The following NLRP2 variants were observed in gnomAD, a reference collection of about 807,000 sequenced individuals.
NLRP2 encodes the protein NLR family pyrin domain containing 2.
NLRP2 carries 107 observed loss-of-function variants against 97.2 expected under a neutral mutation model. The ratio of observed to expected loss-of-function variants is 1.10; its 90% CI spans 0.94 to 1.29. NLRP2 has a LOEUF of 1.29. NLRP2 is among the 50% of genes most tolerant of loss of function. NLRP2 has a pLI of 0.00. For missense variants in NLRP2, 1,495 were observed against 1,330.3 expected, an observed-to-expected ratio of 1.12 and a Z score of -1.93; for synonymous variants, 663 against 551.5, an observed-to-expected ratio of 1.20 and a Z score of -2.83.
In NLRP2 at chr19:54,998,025, C is replaced by CTT. The variant is rs757893808; in HGVS notation, c.3050+554_3050+555dup. ...TGGGGTTTTGTTTTGTTTTTTCTTT[C>CTT]TTTTTTTTTTTTTTTTTCTGAGATG... On this transcript the variant is annotated intron_variant, in intron 12 of 12. Coordinates refer to ENST00000448584, the MANE Select transcript of NLRP2 (RefSeq NM_017852.5). Among the ~76,000 whole-genome samples the CTT allele has an allele frequency of 5.6e-3, 716 of 127,278 alleles. 16 individuals carry two copies. The highest frequency in any genetic ancestry group is 0.014 in the African/African-American group (477 of 34,482). The allele number at this position is 127,278 out of a possible 152,430, so 83.5% of individuals were successfully genotyped here.
At chr19:54,965,527 C>G (rs1345735255), upstream of NLRP2, 1 of 97,486 alleles carries the variant, frequency 1.0e-5, no homozygotes, top group Non-Finnish European at 2.2e-5. Context: ...GCGATCTCTG[C>G]TCACTGCAAG....
chr19:54,978,703 C>G (rs895211118), intron 4 of NLRP2, among the ~76,000 whole-genome samples: 1 of 150,892 alleles, frequency 6.6e-6, no homozygotes, highest in African/African-American at 2.4e-5. Flanking sequence ...AAAAATTAGC[C>G]GGGTGTGGTG....
At chr19:54,987,835 G>A (rs2072199193) in intron 8 of NLRP2, among the ~76,000 whole-genome samples, 1 of 151,916 alleles carries the variant, frequency 6.6e-6, no homozygotes, top group African/African-American at 2.4e-5. Flanking sequence ...AAGGTCAGGA[G>A]TTCAAGACCA....
At chr19:54,977,921 CT>C in intron 4 of NLRP2, 98 bp downstream of exon 4, 1 of 1,101,240 alleles carries the variant, frequency 9.1e-7, no homozygotes, top group East Asian at 2.4e-5. Flanking sequence ...TCTCTCCAAT[CT>C]TTTCCTCCAC....
chr19:55,000,946 G>A lies in NLRP2; in HGVS notation c.*48G>A, dbSNP rs751614272. ...CCATGAAGTCATCGATTTTCCAGGTGTTGGTGAACTGCCTGTGACTCCTCT... is the reference window on the plus strand; with the variant it reads ...CCATGAAGTCATCGATTTTCCAGGTATTGGTGAACTGCCTGTGACTCCTCT... On this transcript the variant is annotated 3_prime_UTR_variant, in exon 13 of 13. Transcript: ENST00000448584. 2 of 1,590,096 alleles carry A rather than the reference G, an allele frequency of 1.3e-6. No individual in the cohort carries two copies. The highest frequency in any genetic ancestry group is 1.7e-6 in the Non-Finnish European group (2 of 1,159,414).
In NLRP2 at chr19:54,983,558, G is replaced by A. The variant is rs191100361; in HGVS notation, c.1860G>A (p.Glu620=). 3.1e-6 allele frequency: 5 copies of A among 1,614,202 alleles called. No individual in the cohort carries two copies. The African/African-American group carries it at 6.7e-5, about 22-fold the overall frequency. Residue 620 remains glutamate, a synonymous_variant, in exon 6 of 13, where the codon GAG becomes GAA. Transcript: ENST00000448584. ...YESQEEELVK[E]VMAQFKEISL... ...CTCAGGAGGAGGAGCTGGTGAAGGA[G>A]GTGATGGCTCAGTTCAAAGAAATAT...
intron 4 of NLRP2, 62 bp downstream of exon 4, chr19:54,977,885 C>T (rs2071346686): frequency 3.5e-6 from 5 of 1,446,626 alleles, no homozygotes; most frequent in East Asian, 2.3e-5. Context: ...TTGCTGCTAT[C>T]TCCTGTTCCT....
At chr19:54,997,076 TTC>T (rs1479025336) in intron 11 of NLRP2, among the ~76,000 whole-genome samples, 2 of 152,122 alleles carry the variant, frequency 1.3e-5, no homozygotes, top group African/African-American at 4.8e-5. Context: ...CCCAGCTAAC[TTC>T]TGTATATTTA....
chr19:54,996,051 AAAC>A (rs1453529271), intron 11 of NLRP2, among the ~76,000 whole-genome samples: 206 of 126,416 alleles, frequency 1.6e-3, no homozygotes, highest in African/African-American at 5.2e-3. Flanking sequence ...AAAAAAAAAA[AAAC>A]AAAAAAAACA....
At chr19:54,979,692 C>T (rs934972514) in intron 4 of NLRP2, among the ~76,000 whole-genome samples, 4 of 152,048 alleles carry the variant, frequency 2.6e-5, no homozygotes, top group East Asian at 3.9e-4. Context: ...TGCTATGGCT[C>T]TGTATAATAG....
intron 1 of NLRP2, among the ~76,000 whole-genome samples, chr19:54,968,701 CT>C (rs61212213): frequency 0.35 from 39,741 of 114,570 alleles, 7,777 homozygotes; most frequent in South Asian, 0.61. Flanking sequence ...ATCTTTAAGC[CT>C]TTTTTTTTTT....
chr19:54,968,282 A>C (rs1165116990), intron 1 of NLRP2, among the ~76,000 whole-genome samples: 1 of 151,730 alleles, frequency 6.6e-6, no homozygotes, highest in Non-Finnish European at 1.5e-5. Flanking sequence ...TCTGGACTGG[A>C]GTGATCACCC....
rs965732839 is a variant in NLRP2, at chr19:55,001,060, C to T, written c.*162C>T. On this transcript the variant is annotated 3_prime_UTR_variant, in exon 13 of 13. Transcript: ENST00000448584. The stretch of plus-strand genomic sequence containing the variant: ...ATTCTGCCTCTGTTTTATACCTGCA[C>T]ACATCCTTATCTTTGTTACATATGA... The T allele has an allele frequency of 6.3e-6, 4 of 637,992 alleles. No individual in the cohort carries two copies. Among genetic ancestry groups the T allele is most frequent in the East Asian group, 5.4e-5 (2 of 37,052 alleles). 39.5% of individuals were successfully genotyped at this position (637,992 alleles called of 1,614,324 possible). A position where few individuals can be genotyped will look rare whatever the true frequency, so the allele number is the denominator to read the frequency against.
intron 11 of NLRP2, among the ~76,000 whole-genome samples, chr19:54,995,393 T>C (rs1042244455): frequency 4.0e-5 from 6 of 151,570 alleles, no homozygotes; most frequent in African/African-American, 1.2e-4. Flanking sequence ...GGTTTCTCCA[T>C]GTTGGTCAGG....
intron 2 of NLRP2, among the ~76,000 whole-genome samples, chr19:54,972,467 C>T (rs766918391): frequency 2.0e-5 from 3 of 151,892 alleles, no homozygotes; most frequent in Admixed American, 6.6e-5. Context: ...AGGTGTGAGC[C>T]GCCATGCCCA....
chr19:54,966,526 G>A (rs1438839815), intron 1 of NLRP2, 59 bp downstream of exon 1: 1 of 152,030 alleles, frequency 6.6e-6, no homozygotes, highest in African/African-American at 2.4e-5. Context: ...TTCCACAGTT[G>A]GTAAAATTTC....
chr19:54,974,418 G>A (rs703468), intron 2 of NLRP2, 82 bp from the exon 3 acceptor site: 218,964 of 975,416 alleles, frequency 0.22, 25,965 homozygotes, highest in East Asian at 0.4. Context: ...CCAGTTCTAA[G>A]TGTCATCTTT....
In NLRP2 at chr19:54,980,532, G is replaced by A. The variant is rs184312488; in HGVS notation, c.398-1085G>A. Among the ~76,000 whole-genome samples, 321 of 152,326 alleles carry A rather than the reference G, an allele frequency of 2.1e-3. 1 individual carries two copies. Among genetic ancestry groups the A allele is most frequent in the Non-Finnish European group, 3.9e-3 (262 of 68,034 alleles). ...TTTATGAAGACAATCGTAGGTAAAG[G>A]AAGGCAGATTTATTGGAGAAAGTAG... On this transcript the variant is annotated intron_variant, in intron 4 of 12. Transcript: ENST00000448584.
chr19:54,999,571 T>C (rs2073066011), intron 12 of NLRP2, among the ~76,000 whole-genome samples: 3 of 152,138 alleles, frequency 2.0e-5, no homozygotes, highest in African/African-American at 2.4e-5. Context: ...CCATTTTCTG[T>C]GTATGATAAT....
Sources: allele counts gnomAD v4.1 joint callset (sites outside exome capture counted in the v4.1 genomes callset), GRCh38; gene constraint gnomAD v4.1.1; transcripts MANE v1.5; gene names NCBI Gene and HGNC (gene_info 2026-07-23, HGNC 2026-07-21).